The following GART variants were observed in gnomAD, a reference collection of about 807,000 sequenced individuals.
GART encodes the protein trifunctional purine biosynthetic protein adenosine-3.
Under a neutral mutation model 107.2 loss-of-function variants are expected in GART, and 43 were observed. That is an observed-to-expected ratio of 0.40 (90% CI 0.31 to 0.52). The LOEUF (loss-of-function observed/expected upper bound fraction) is 0.52, where lower values mean the gene tolerates loss of function less well. Among genes scored for constraint, GART ranks in the 20% least tolerant of loss-of-function variants. The pLI is 0.52. For synonymous variants in GART, 434 were observed against 427.0 expected (o/e 1.02, Z -0.20); for missense variants, 1,107 against 1,206.5 (o/e 0.92, Z 1.22).
At chr21:33,505,349 C>T (rs909745715) in intron 20 of GART, among the ~76,000 whole-genome samples, 1 of 152,098 alleles carries the variant, frequency 6.6e-6, no homozygotes, top group Non-Finnish European at 1.5e-5. Flanking sequence ...GGATAGAGAG[C>T]AGGTTAATAA....
intron 18 of GART, among the ~76,000 whole-genome samples, chr21:33,508,135 T>C (rs558823494): frequency 1.4e-4 from 22 of 152,300 alleles, no homozygotes; most frequent in Admixed American, 1.2e-3. Flanking sequence ...AACGACGTGG[T>C]TTAGGATATG....
chr21:33,518,746 A>T, intron 14 of GART: 1 of 452,522 alleles, frequency 2.2e-6, no homozygotes, highest in Non-Finnish European at 4.4e-6. Flanking sequence ...CATCCCCTCC[A>T]TTAGCAAGCA....
chr21:33,539,148 TC>T, intron 2 of GART, 22 bp downstream of exon 2: 1 of 1,602,996 alleles, frequency 6.2e-7, no homozygotes, highest in Non-Finnish European at 8.5e-7. Context: ...TAACTATTAC[TC>T]CCCACTTTAA....
intron 2 of GART, among the ~76,000 whole-genome samples, chr21:33,538,444 G>T (rs550097187): frequency 6.6e-6 from 1 of 151,896 alleles, no homozygotes; most frequent in South Asian, 2.1e-4. Context: ...CATTGCCCTG[G>T]CTAGTCTCAA....
chr21:33,517,246 G>A, intron 15 of GART, 105 bp from the exon 16 acceptor site: 1 of 1,557,618 alleles, frequency 6.4e-7, no homozygotes, highest in Admixed American at 1.8e-5. Context: ...TGACCAAGTA[G>A]CAAACCAAGG....
At chr21:33,507,591 C>G (rs900836034) in intron 18 of GART, among the ~76,000 whole-genome samples, 4 of 152,154 alleles carry the variant, frequency 2.6e-5, no homozygotes, top group Admixed American at 2.6e-4. Context: ...GAGGCCAAGG[C>G]AGGCGGATCA....
At chr21:33,531,417 C>T in intron 6 of GART, 72 bp downstream of exon 6, 1 of 1,336,080 alleles carries the variant, frequency 7.5e-7, no homozygotes, top group Non-Finnish European at 1.1e-6. Context: ...TATATCAAGT[C>T]TTTTCTGGGG....
rs1177974357 is a variant in GART, at chr21:33,528,174, C to G, written c.1059G>C (p.Glu353Asp). ...TTGCTCCCTGACACTCACCTGTTAT[C>G]TCTACACCCTTGGTGTAGTCTCCAG... ...GYPGDYTKGV[E>D]ITGFPEAQAL... The change falls in exon 10 of 22, where the codon GAG (glutamate) becomes GAC (aspartate). Residue 353 changes from glutamate to aspartate, a missense_variant. Glu to Asp is a conservative substitution (Grantham distance 45). Coordinates refer to ENST00000381815, the MANE Select transcript of GART (RefSeq NM_000819.5). 6.2e-7 allele frequency: 1 copy of G among 1,613,240 alleles called. No homozygotes were observed. Among genetic ancestry groups the G allele is most frequent in the African/African-American group, 1.3e-5 (1 of 74,830 alleles).
chr21:33,519,781 T>C (rs2084936898), intron 14 of GART, among the ~76,000 whole-genome samples: 1 of 151,492 alleles, frequency 6.6e-6, no homozygotes, highest in Non-Finnish European at 1.5e-5. Flanking sequence ...TGAGCTGTGA[T>C]TGAACCACTG....
In GART at chr21:33,504,078, G is replaced by A. The variant is rs772818837; in HGVS notation, c.*46C>T. On this transcript the variant is annotated 3_prime_UTR_variant, in exon 22 of 22. Transcript: ENST00000381815. Reference sequence around the variant, plus strand: ...ATGATAAAAAACCACCATGCAAACAGCAAATAATTCTTTCTAAACTGGCCC... The same window carrying A: ...ATGATAAAAAACCACCATGCAAACAACAAATAATTCTTTCTAAACTGGCCC... The A allele has an allele frequency of 6.6e-7, 1 of 1,522,376 alleles. No individual in the cohort carries two copies. Among genetic ancestry groups the A allele is most frequent in the Non-Finnish European group, 8.9e-7 (1 of 1,129,454 alleles). The allele number at this position is 1,522,376 out of a possible 1,614,324, so 94.3% of individuals were successfully genotyped here. A position where few individuals can be genotyped will look rare whatever the true frequency, so the allele number is the denominator to read the frequency against.
At chr21:33,541,033 GAAA>G (rs911592919) in intron 1 of GART, among the ~76,000 whole-genome samples, 1 of 141,282 alleles carries the variant, frequency 7.1e-6, no homozygotes. Context: ...TTTGAGAAAG[GAAA>G]AAAAAAAACC....
chr21:33,506,112 G>A lies in GART; in HGVS notation c.2453-8C>T. 6.2e-7 allele frequency: 1 copy of A among 1,610,762 alleles called. No homozygotes were observed. Among genetic ancestry groups the A allele is most frequent in the East Asian group, 2.2e-5 (1 of 44,838 alleles). On this transcript the variant is annotated splice_region_variant and splice_polypyrimidine_tract_variant and intron_variant, in intron 18 of 21. Transcript: ENST00000381815. Reference sequence around the variant, plus strand: ...GTGCTTGCAGGTTCGATCCTGAGAAGGGAGAAAAACAGCAGTGAGCTCATA... The same window carrying A: ...GTGCTTGCAGGTTCGATCCTGAGAAAGGAGAAAAACAGCAGTGAGCTCATA...
At position 33,504,358 on chromosome 21, in the gene GART, G is replaced by A. The variant is rs1321463876; in HGVS notation, c.2842-43C>T. On this transcript the variant is annotated intron_variant, in intron 21 of 21. Coordinates refer to ENST00000381815, the MANE Select transcript of GART (RefSeq NM_000819.5). ...AGTTTTGAACATTACCTTCTAGCCA[G>A]TGTCATTTACATCTGACTACTAATA... The A allele has an allele frequency of 2.5e-6, 4 of 1,610,142 alleles. No individual in the cohort carries two copies. In the Admixed American group the frequency reaches 5.0e-5, roughly 20 times the overall value.
Position 33,524,938 on chromosome 21 carries a change from C to G in GART, c.1129G>C (p.Gly377Arg), listed in dbSNP as rs772152178. 3 of 1,614,068 alleles carry G rather than the reference C, an allele frequency of 1.9e-6. No homozygotes were observed. In the African/African-American group the frequency reaches 4.0e-5, roughly 22 times the overall value. ...CTACCCCCATGAGTTACTACTTTGCCATTTTTGAGGGCAGTGCCTGCATGG... is the reference window on the plus strand; with the variant it reads ...CTACCCCCATGAGTTACTACTTTGCGATTTTTGAGGGCAGTGCCTGCATGG... ...VFHAGTALKN[G>R]KVVTHGGRVL... Residue 377 changes from glycine (G) to arginine (R), a missense_variant, in exon 11 of 22, where the codon GGC (glycine) becomes CGC (arginine). By Grantham distance (125) the Gly-to-Arg change is moderately radical (BLOSUM62 -2). Coordinates refer to ENST00000381815, the MANE Select transcript of GART (RefSeq NM_000819.5).
In GART at chr21:33,535,111, C is replaced by T. The variant is rs545812606; in HGVS notation, c.241+114G>A. 444 of 712,592 alleles carry T rather than the reference C, an allele frequency of 6.2e-4. 5 individuals carry two copies. In the South Asian group the frequency reaches 0.014, roughly 22 times the overall value. The allele number at this position is 712,592 out of a possible 1,614,324, so 44.1% of individuals were successfully genotyped here. ...TCCATAAATTTCGAGAGTGGAAGCT[C>T]TTTTTCCAAGATAATATTACAAATT... On this transcript the variant is annotated intron_variant, in intron 3 of 21. Coordinates refer to ENST00000381815, the MANE Select transcript of GART (RefSeq NM_000819.5).
chr21:33,505,156 T>C (rs1210240863), intron 20 of GART, among the ~76,000 whole-genome samples: 1 of 152,202 alleles, frequency 6.6e-6, no homozygotes, highest in African/African-American at 2.4e-5. Flanking sequence ...TGGTCTATGC[T>C]TCCTAAGAGA....
chr21:33,506,990 AAC>A (rs1219962057), intron 18 of GART, among the ~76,000 whole-genome samples: 3 of 152,134 alleles, frequency 2.0e-5, no homozygotes, highest in Non-Finnish European at 4.4e-5. Context: ...TATTATGGAG[AAC>A]AGTTTGAAGG....
At chr21:33,524,300 A>G in intron 11 of GART, 2 of 982,634 alleles carry the variant, frequency 2.0e-6, no homozygotes, top group Non-Finnish European at 1.2e-6. Context: ...CTATAATCCC[A>G]GCATTTTGGG....
In GART at chr21:33,531,526, A is replaced by G; in HGVS notation, c.560T>C (p.Ile187Thr). The change falls in exon 6 of 22, where the codon ATT becomes ACT. Residue 187 changes from isoleucine to threonine, a missense_variant. Transcript: ENST00000381815. ...EKAFGAAGET[I>T]VIEELLDGEE... The stretch of plus-strand genomic sequence containing the variant: ...TCCGTCAAGAAGTTCTTCAATGACA[A>G]TTGTTTCTCCAGCTGCCCCAAAGGC... 5 of 1,612,806 alleles carry G rather than the reference A, an allele frequency of 3.1e-6. No individual in the cohort carries two copies. Among genetic ancestry groups the G allele is most frequent in the Non-Finnish European group, 4.2e-6 (5 of 1,179,590 alleles).
Sources: allele counts gnomAD v4.1 joint callset (sites outside exome capture counted in the v4.1 genomes callset), GRCh38; gene constraint gnomAD v4.1.1; transcripts MANE v1.5; gene names NCBI Gene and HGNC (gene_info 2026-07-23, HGNC 2026-07-21).